CELF1: variants seen among roughly 807,000 people sequenced by gnomAD.
CELF1 encodes 50 kDa nuclear polyadenylated RNA-binding protein.
In CELF1, 10 loss-of-function variants were observed where a neutral mutation model predicts 61.8. That is an observed-to-expected ratio of 0.16 (90% CI 0.10 to 0.27). The LOEUF (loss-of-function observed/expected upper bound fraction) is 0.27. Among genes scored for constraint, CELF1 ranks in the 10% least tolerant of loss-of-function variants. The pLI, the probability that CELF1 is intolerant of heterozygous loss-of-function variation, is 1.00. For missense variants in CELF1, 380 were observed against 639.1 expected (o/e 0.59, Z 4.37); for synonymous variants, 236 against 225.1 (o/e 1.05, Z -0.43).
At chr11:47,561,679 A>T (rs1188827306) in intron 2 of CELF1, among the ~76,000 whole-genome samples, 10 of 152,170 alleles carry the variant, frequency 6.6e-5, no homozygotes, top group African/African-American at 2.4e-4. Flanking sequence ...AGTCAAATAT[A>T]CAAGAGAAAT....
chr11:47,542,195 C>T (rs1358619222), intron 1 of CELF1, among the ~76,000 whole-genome samples: 1 of 152,084 alleles, frequency 6.6e-6, no homozygotes, highest in African/African-American at 2.4e-5. Context: ...CATGGTGAAA[C>T]CCCATCTCTA....
rs1466242387 is a variant in CELF1, at chr11:47,466,885, G to A, written c.*5345C>T. On this transcript the variant is annotated 3_prime_UTR_variant, in exon 15 of 15. Transcript: ENST00000687097. ...GGTGCACAGCAGTCTCTCAGGCTGG[G>A]GTTTCTGGCCTCTTTCCATCCAATC... 1 of 152,232 alleles carries A rather than the reference G, an allele frequency of 6.6e-6. No homozygotes were observed. The highest frequency in any genetic ancestry group is 2.4e-5 in the African/African-American group (1 of 41,434). 9.4% of individuals were successfully genotyped at this position (152,232 alleles called of 1,614,324 possible). A position where few individuals can be genotyped will look rare whatever the true frequency, so the allele number is the denominator to read the frequency against.
At chr11:47,478,994 G>A (rs1335838428) in intron 9 of CELF1, 42 bp from the exon 10 acceptor site, 2 of 1,507,960 alleles carry the variant, frequency 1.3e-6, no homozygotes, top group Non-Finnish European at 1.8e-6. Flanking sequence ...TGAGAGTGAG[G>A]GCTGGTTCTG....
At position 47,505,237 on chromosome 11, in the gene CELF1, A is replaced by G. The variant is rs2094384773; in HGVS notation, c.-153-4305T>C. On this transcript the variant is annotated intron_variant, in intron 1 of 14. Transcript: ENST00000687097. ...GTGACCACCCTTCCAATCAAGTCAT[A>G]CTTTCAGATCCCACACTAGTTCTGG... Among the ~76,000 whole-genome samples, 2 of 151,248 alleles carry G rather than the reference A, an allele frequency of 1.3e-5. 1 individual carries two copies. Among genetic ancestry groups the G allele is most frequent in the South Asian group, 4.2e-4 (2 of 4,794 alleles).
chr11:47,539,924 T>C (rs1302757924), intron 1 of CELF1, among the ~76,000 whole-genome samples: 1 of 152,224 alleles, frequency 6.6e-6, no homozygotes. Flanking sequence ...TGATTTTATG[T>C]CCTGAGTTCT....
rs140311118 is a variant in CELF1, at chr11:47,559,860, G to T, written c.-11+4491C>A. Among the ~76,000 whole-genome samples, 288 of 152,124 alleles carry T rather than the reference G, an allele frequency of 1.9e-3. 1 individual carries two copies. Among genetic ancestry groups the T allele is most frequent in the Middle Eastern group, 0.014 (4 of 294 alleles). On this transcript the variant is annotated intron_variant, in intron 2 of 3. Transcript: ENST00000525841. ...CTACTAAAAATATAAAAATTAGCCAGGCATTTTGGTGCATGCCTATAATCC... is the reference window on the plus strand; with the variant it reads ...CTACTAAAAATATAAAAATTAGCCATGCATTTTGGTGCATGCCTATAATCC...
At chr11:47,495,435 G>A (rs61895101) in intron 3 of CELF1, among the ~76,000 whole-genome samples, 21 of 152,138 alleles carry the variant, frequency 1.4e-4, no homozygotes, top group Non-Finnish European at 2.8e-4. Flanking sequence ...AATGGGTACA[G>A]GGTTTCTTTT....
intron 1 of CELF1, among the ~76,000 whole-genome samples, chr11:47,536,510 G>A (rs566259979): frequency 6.6e-5 from 10 of 152,156 alleles, no homozygotes; most frequent in African/African-American, 1.9e-4. Flanking sequence ...TGTAATCTCA[G>A]CACTTTGGGA....
intron 1 of CELF1, among the ~76,000 whole-genome samples, chr11:47,501,242 C>T (rs1014818757): frequency 2.6e-5 from 4 of 152,190 alleles, no homozygotes; most frequent in African/African-American, 7.2e-5. Flanking sequence ...CCTATTAAAG[C>T]GGCAAAAACA....
intron 9 of CELF1, among the ~76,000 whole-genome samples, chr11:47,480,765 T>G (rs2153425016): frequency 6.6e-6 from 1 of 152,310 alleles, no homozygotes; most frequent in South Asian, 2.1e-4. Flanking sequence ...CCGGACCCAG[T>G]GGTTCACGCC....
At position 47,497,553 on chromosome 11, in the gene CELF1, C is replaced by G. The variant is rs567981387; in HGVS notation, c.71+1900G>C. ...CTCATGTTTAAAATCGGGGCAATGG[C>G]CTACGCCCAGGCACCCTTGCAAAGT... On this transcript the variant is annotated intron_variant, in intron 3 of 14. Transcript: ENST00000687097. 2.0e-5 allele frequency among the ~76,000 whole-genome samples: 3 copies of G among 152,356 alleles called. No individual in the cohort carries two copies. The South Asian group carries it at 6.2e-4, about 32-fold the overall frequency.
At chr11:47,561,152 A>G (rs1042805498) in intron 2 of CELF1, among the ~76,000 whole-genome samples, 3 of 149,654 alleles carry the variant, frequency 2.0e-5, no homozygotes, top group African/African-American at 7.4e-5. Context: ...AAAAAAAAAA[A>G]AAGTGTATTT....
Position 47,483,438 on chromosome 11 carries a change from C to T in CELF1, c.606+15G>A, listed in dbSNP as rs1361006313. ...CAAGCTGAGGAATTTTCCCCATCAC[C>T]TATCTGCTCCCTACCTCCATGGTCT... is the stretch of plus-strand genomic sequence containing the variant. On this transcript the variant is annotated intron_variant, in intron 8 of 14. Coordinates refer to ENST00000687097, the MANE Select transcript of CELF1 (RefSeq NM_001376376.1). 1 of 1,609,438 alleles carries T rather than the reference C, an allele frequency of 6.2e-7. No homozygotes were observed. The highest frequency in any genetic ancestry group is 1.3e-5 in the African/African-American group (1 of 74,818).
intron 1 of CELF1, among the ~76,000 whole-genome samples, chr11:47,535,088 G>A (rs1471520871): frequency 6.6e-6 from 1 of 152,000 alleles, no homozygotes; most frequent in East Asian, 1.9e-4. Context: ...CCAGACAAAT[G>A]AACATTAACA....
chr11:47,483,776 A>G (rs773860905), intron 7 of CELF1, among the ~76,000 whole-genome samples: 13 of 152,206 alleles, frequency 8.5e-5, no homozygotes, highest in Non-Finnish European at 1.6e-4. Flanking sequence ...TCCTCTTGAA[A>G]ATAAAAGAAA....
At position 47,475,330 on chromosome 11, in the gene CELF1, A is replaced by G. The variant is rs2079542924; in HGVS notation, c.1273+6T>C. 6.2e-7 allele frequency: 1 copy of G among 1,613,050 alleles called. No individual in the cohort carries two copies. Among genetic ancestry groups the G allele is most frequent in the Non-Finnish European group, 8.5e-7 (1 of 1,179,888 alleles). ...ATACCTGACCCCGATCTCCCTTTGC[A>G]CTCACCTTCCTTCTGGCTTCCAGCA... is the stretch of plus-strand genomic sequence containing the variant. On this transcript the variant is annotated splice_donor_region_variant and intron_variant, in intron 13 of 14. Coordinates refer to ENST00000687097, the MANE Select transcript of CELF1 (RefSeq NM_001376376.1).
At position 47,485,717 on chromosome 11, in the gene CELF1, G is replaced by C. The variant is rs534194748; in HGVS notation, c.391+1033C>G. On this transcript the variant is annotated intron_variant, in intron 6 of 14. Transcript: ENST00000687097. ...CTGTCTCAGCCTCCTGAGTAGCTGGGATTACAGGCATGCACCACCACACTC... is the reference window on the plus strand; with the variant it reads ...CTGTCTCAGCCTCCTGAGTAGCTGGCATTACAGGCATGCACCACCACACTC... Among the ~76,000 whole-genome samples the C allele has an allele frequency of 5.3e-5, 8 of 151,740 alleles. No homozygotes were observed. The South Asian group carries it at 1.7e-3, about 32-fold the overall frequency.
At chr11:47,541,923 T>C (rs917140357) in intron 1 of CELF1, among the ~76,000 whole-genome samples, 1 of 151,830 alleles carries the variant, frequency 6.6e-6, no homozygotes, top group Non-Finnish European at 1.5e-5. Flanking sequence ...TTTTGCATAA[T>C]CCCCAAACTA....
chr11:47,541,686 C>CTA (rs71042680), intron 1 of CELF1, among the ~76,000 whole-genome samples: 2 of 11,648 alleles, frequency 1.7e-4, no homozygotes, highest in Non-Finnish European at 3.7e-4. Context: ...GCGAGACTGT[C>CTA]AAAGAAAGAA....
Sources: allele counts gnomAD v4.1 joint callset (sites outside exome capture counted in the v4.1 genomes callset), GRCh38; gene constraint gnomAD v4.1.1; transcripts MANE v1.5; gene names NCBI Gene and HGNC (gene_info 2026-07-23, HGNC 2026-07-21).